The following DLEU7 variants were observed in gnomAD, a reference collection of about 807,000 sequenced individuals.
DLEU7 encodes the protein deleted in lymphocytic leukemia 7.
In DLEU7, 17 loss-of-function variants were observed where a neutral mutation model predicts 16.0. The observed-to-expected ratio is 1.06, with a 90% CI of 0.73 to 1.59. The LOEUF (loss-of-function observed/expected upper bound fraction) is 1.59. Among genes scored for constraint, DLEU7 ranks in the 40% most tolerant of loss-of-function variants. DLEU7 has a pLI of 0.00. For synonymous variants in DLEU7, 113 were observed against 139.8 expected (o/e 0.81, Z 1.35); for missense variants, 308 against 314.9 (o/e 0.98, Z 0.17).
At chr13:50,822,224 A>G (rs1399246524), downstream of DLEU7, among the ~76,000 whole-genome samples, 1 of 152,156 alleles carries the variant, frequency 6.6e-6, no homozygotes, top group African/African-American at 2.4e-5. Context: ...AACATTTAGA[A>G]CCAACTAGGA....
downstream of DLEU7, among the ~76,000 whole-genome samples, chr13:50,822,230 T>C (rs1038370473): frequency 1.3e-5 from 2 of 152,144 alleles, no homozygotes; most frequent in African/African-American, 4.8e-5. Context: ...TAGAACCAAC[T>C]AGGATTAGAG....
At chr13:50,737,472 C>T (rs773214483) in intron 1 of DLEU7, among the ~76,000 whole-genome samples, 25 of 152,054 alleles carry the variant, frequency 1.6e-4, no homozygotes, top group Non-Finnish European at 3.2e-4. Context: ...TTCTCAACAG[C>T]GTGTGCTTGT....
intron 1 of DLEU7, among the ~76,000 whole-genome samples, chr13:50,793,189 T>A (rs1207563021): frequency 2.0e-5 from 3 of 152,194 alleles, no homozygotes; most frequent in Non-Finnish European, 4.4e-5. Flanking sequence ...TGCACCCGTG[T>A]TGCTGCAAAG....
At chr13:50,806,373 A>C (rs948662334) in intron 1 of DLEU7, among the ~76,000 whole-genome samples, 16 of 137,392 alleles carry the variant, frequency 1.2e-4, no homozygotes, top group African/African-American at 5.1e-4. Context: ...TTAGCATACT[A>C]AATGTCTTTA....
At position 50,766,247 on chromosome 13, in the gene DLEU7, A is replaced by G. The variant is rs9591357; in HGVS notation, c.460-53007T>C. Among the ~76,000 whole-genome samples the G allele has an allele frequency of 5.1e-3, 770 of 152,192 alleles. 4 individuals are homozygous for G. The highest frequency in any genetic ancestry group is 0.018 in the African/African-American group (731 of 41,522). On this transcript the variant is annotated intron_variant, in intron 1 of 1. Transcript: ENST00000400393. ...TTTAAAGAAGGATACTGTCAGCCCA[A>G]ATTGCTCACTCCCATCACGTTCGGC...
intron 1 of DLEU7, among the ~76,000 whole-genome samples, chr13:50,796,834 G>T (rs1054865372): frequency 5.3e-5 from 8 of 152,096 alleles, no homozygotes; most frequent in African/African-American, 1.7e-4. Flanking sequence ...GAAGGAAAAC[G>T]CATCCCTGAG....
rs58109366 is a variant in DLEU7 at position 50,728,346 on chromosome 13, G to A, written c.460-15106C>T. On this transcript the variant is annotated intron_variant, in intron 1 of 1. Coordinates refer to the DLEU7 transcript ENST00000400393. ...AGTCTAAGAAATAGTGGTCCTATGT[G>A]ATGTTAATAGGAGTTATGTGCAAAA... Among the ~76,000 whole-genome samples the A allele has an allele frequency of 6.0e-4, 91 of 152,336 alleles. 1 individual carries two copies. The highest frequency in any genetic ancestry group is 2.1e-3 in the African/African-American group (89 of 41,580).
At chr13:50,720,505 G>A (rs1227545756) in intron 1 of DLEU7, among the ~76,000 whole-genome samples, 1 of 152,208 alleles carries the variant, frequency 6.6e-6, no homozygotes, top group Non-Finnish European at 1.5e-5. Context: ...CAACCTGTGT[G>A]AAAGACACAC....
At chr13:50,770,875 T>C (rs937215766) in intron 1 of DLEU7, among the ~76,000 whole-genome samples, 4 of 152,200 alleles carry the variant, frequency 2.6e-5, no homozygotes, top group African/African-American at 9.7e-5. Context: ...CTGGTAAAAT[T>C]TGGCTGTGAA....
intron 1 of DLEU7, among the ~76,000 whole-genome samples, chr13:50,803,046 T>C (rs1876292164): frequency 6.6e-6 from 1 of 152,200 alleles, no homozygotes; most frequent in African/African-American, 2.4e-5. Context: ...GATTTTTACA[T>C]GTATAACCAA....
chr13:50,731,410 T>C (rs1873908078), intron 1 of DLEU7, among the ~76,000 whole-genome samples: 1 of 152,220 alleles, frequency 6.6e-6, no homozygotes, highest in Non-Finnish European at 1.5e-5. Context: ...AGATTGAAGA[T>C]GAGTGGATTT....
chr13:50,819,363 G>C (rs1008340359), downstream of DLEU7, among the ~76,000 whole-genome samples: 4 of 152,114 alleles, frequency 2.6e-5, no homozygotes, highest in African/African-American at 9.7e-5. Flanking sequence ...CCAAAAGGCA[G>C]AATTTGGATT....
chr13:50,812,845 C>G (rs1483792587), intron 1 of DLEU7: 1 of 150,388 alleles, frequency 6.6e-6, no homozygotes, highest in Non-Finnish European at 1.5e-5. Context: ...GGAGGAAATT[C>G]TTAACATGAA....
chr13:50,810,835 C>T (rs1160700066), intron 1 of DLEU7, among the ~76,000 whole-genome samples: 1 of 152,132 alleles, frequency 6.6e-6, no homozygotes. Flanking sequence ...TCCCTGGATT[C>T]TTAAATCTTT....
At chr13:50,745,647 G>T (rs1363051358) in intron 1 of DLEU7, among the ~76,000 whole-genome samples, 2 of 152,038 alleles carry the variant, frequency 1.3e-5, no homozygotes, top group Non-Finnish European at 2.9e-5. Context: ...AAATATCCAG[G>T]CCTCAAATTT....
chr13:50,827,916 A>C (rs1877144220), intron 1 of DLEU7, among the ~76,000 whole-genome samples: 1 of 152,182 alleles, frequency 6.6e-6, no homozygotes, highest in Admixed American at 6.5e-5. Flanking sequence ...TAAATCTAAA[A>C]CCACATAAAG....
At chr13:50,833,269 C>A (rs1284955791) in intron 1 of DLEU7, among the ~76,000 whole-genome samples, 1 of 152,210 alleles carries the variant, frequency 6.6e-6, no homozygotes, top group Non-Finnish European at 1.5e-5. Flanking sequence ...CCTCTGTTTG[C>A]AGATGACATG....
At chr13:50,766,081 A>G (rs1875096267) in intron 1 of DLEU7, among the ~76,000 whole-genome samples, 1 of 152,226 alleles carries the variant, frequency 6.6e-6, no homozygotes, top group East Asian at 1.9e-4. Flanking sequence ...AGCAAGTTTC[A>G]TTCCCCTTCC....
At chr13:50,842,479 C>T (rs576648909) in intron 1 of DLEU7, among the ~76,000 whole-genome samples, 1 of 152,320 alleles carries the variant, frequency 6.6e-6, no homozygotes, top group African/African-American at 2.4e-5. Flanking sequence ...TCTCACTCAG[C>T]CTGGGAGACA....
Sources: allele counts gnomAD v4.1 joint callset (sites outside exome capture counted in the v4.1 genomes callset), GRCh38; gene constraint gnomAD v4.1.1; transcripts MANE v1.5; gene names NCBI Gene and HGNC (gene_info 2026-07-23, HGNC 2026-07-21).